Variants in RALA observed in about 807,000 individuals in gnomAD.
RALA encodes the protein ras-related protein Ral-A.
Under a neutral mutation model 24.0 loss-of-function variants are expected in RALA, and 5 were observed. The ratio of observed to expected loss-of-function variants is 0.21; its 90% CI spans 0.11 to 0.44. RALA has a LOEUF of 0.44. Ranked by LOEUF, RALA falls within the 20% of genes least tolerant of loss-of-function variation. The probability of loss-of-function intolerance (pLI) is 0.99; values close to 1 mark genes in which losing one functional copy is unlikely to be tolerated. For synonymous variants in RALA, 77 were observed against 83.8 expected, an observed-to-expected ratio of 0.92 and a Z score of 0.44; for missense variants, 95 against 241.2, an observed-to-expected ratio of 0.39 and a Z score of 4.01.
chr7:39,658,632 A>G (rs1472752556), intron 1 of RALA, among the ~76,000 whole-genome samples: 1 of 152,170 alleles, frequency 6.6e-6, no homozygotes, highest in South Asian at 2.1e-4. Context: ...CCAGTGAATT[A>G]GGATCTTCAT....
At chr7:39,662,875 C>G (rs1045884329) in intron 1 of RALA, among the ~76,000 whole-genome samples, 4 of 152,186 alleles carry the variant, frequency 2.6e-5, no homozygotes, top group Admixed American at 1.3e-4. Flanking sequence ...TGTTTTCATG[C>G]TGCTGATAAA....
chr7:39,699,532 CTG>C, intron 4 of RALA, among the ~76,000 whole-genome samples: 1 of 152,300 alleles, frequency 6.6e-6, no homozygotes, highest in African/African-American at 2.4e-5. Flanking sequence ...AAGCAAAAGA[CTG>C]GAAATATCCA....
At chr7:39,685,703 C>A (rs1034667265) in intron 1 of RALA, among the ~76,000 whole-genome samples, 1 of 151,560 alleles carries the variant, frequency 6.6e-6, no homozygotes, top group African/African-American at 2.4e-5. Flanking sequence ...ATTGGCCAGC[C>A]ATCCCAAGAA....
chr7:39,704,363 C>T (rs958495437), intron 4 of RALA, among the ~76,000 whole-genome samples: 1 of 151,768 alleles, frequency 6.6e-6, no homozygotes, highest in Non-Finnish European at 1.5e-5. Flanking sequence ...ACTCTGTTGC[C>T]CAGGCTGGAG....
intron 3 of RALA, among the ~76,000 whole-genome samples, chr7:39,690,896 C>T (rs988338344): frequency 6.6e-6 from 1 of 152,124 alleles, no homozygotes; most frequent in Non-Finnish European, 1.5e-5. Flanking sequence ...ACTACTACTG[C>T]CATAACAGTT....
chr7:39,678,194 TAA>T (rs59832559), intron 1 of RALA, among the ~76,000 whole-genome samples: 15 of 137,732 alleles, frequency 1.1e-4, no homozygotes, highest in African/African-American at 3.7e-4. Flanking sequence ...AAAGTATAAT[TAA>T]AAAAAAAAAA....
intron 1 of RALA, among the ~76,000 whole-genome samples, chr7:39,633,452 A>G (rs1791631017): frequency 6.6e-6 from 1 of 152,200 alleles, no homozygotes; most frequent in African/African-American, 2.4e-5. Flanking sequence ...TGCATGCAAG[A>G]GCAGGAAAAA....
intron 1 of RALA, among the ~76,000 whole-genome samples, chr7:39,675,179 A>T (rs1302433431): frequency 6.6e-6 from 1 of 152,190 alleles, no homozygotes; most frequent in Non-Finnish European, 1.5e-5. Context: ...GCTCTGTGGG[A>T]ATGCTTGCAT....
Position 39,667,952 on chromosome 7 carries a change from C to T in RALA, c.-37-18679C>T, listed in dbSNP as rs183042477. ...TGTGAGAAGCAGATCTACCCAACAA[C>T]GGAGGAAACTTACTATAGTGGACTG... is the stretch of plus-strand genomic sequence containing the variant. On this transcript the variant is annotated intron_variant, in intron 1 of 4. Transcript: ENST00000005257. Among the ~76,000 whole-genome samples the T allele has an allele frequency of 2.0e-4, 31 of 152,198 alleles. No individual in the cohort carries two copies. The East Asian group carries it at 3.9e-3, about 19-fold the overall frequency.
intron 1 of RALA, among the ~76,000 whole-genome samples, chr7:39,677,437 C>G (rs1792506596): frequency 3.2e-5 from 4 of 126,978 alleles, no homozygotes. Flanking sequence ...GCCACATTTT[C>G]TTAATCCAGT....
intron 1 of RALA, among the ~76,000 whole-genome samples, chr7:39,648,949 C>T (rs1379037630): frequency 6.6e-6 from 1 of 152,164 alleles, no homozygotes; most frequent in Admixed American, 6.5e-5. Flanking sequence ...ATCCCAGCTA[C>T]TCAGGAGGCT....
At chr7:39,649,929 A>G (rs922151196) in intron 1 of RALA, among the ~76,000 whole-genome samples, 1 of 152,238 alleles carries the variant, frequency 6.6e-6, no homozygotes, top group Non-Finnish European at 1.5e-5. Context: ...ACGAAGATTG[A>G]AAATTGACTG....
In RALA at chr7:39,707,494, CACTG is replaced by C. The variant is rs1318463037; in HGVS notation, c.*1252_*1255del. On this transcript the variant is annotated 3_prime_UTR_variant, in exon 5 of 5. Coordinates refer to ENST00000005257, the MANE Select transcript of RALA (RefSeq NM_005402.4). Reference sequence around the variant, plus strand: ...GGTATAGTGCAGAAAACGTGGCACACACTGACCACACATTAGGCTGTGTCACCAT... The same window carrying C: ...GGTATAGTGCAGAAAACGTGGCACACACCACACATTAGGCTGTGTCACCAT... 4 of 152,304 alleles carry C rather than the reference CACTG, an allele frequency of 2.6e-5. No homozygotes were observed. The highest frequency in any genetic ancestry group is 1.3e-4 in the Admixed American group (2 of 15,302). The allele number at this position is 152,304 out of a possible 1,614,324, so 9.4% of individuals were successfully genotyped here. A position where few individuals can be genotyped will look rare whatever the true frequency, so the allele number is the denominator to read the frequency against.
At chr7:39,679,713 C>G (rs1302460653) in intron 1 of RALA, among the ~76,000 whole-genome samples, 2 of 151,910 alleles carry the variant, frequency 1.3e-5, no homozygotes, top group Non-Finnish European at 2.9e-5. Flanking sequence ...AAGATTTTGC[C>G]ATGCAGAATT....
intron 1 of RALA, among the ~76,000 whole-genome samples, chr7:39,632,374 A>G (rs1453913576): frequency 6.6e-6 from 1 of 152,212 alleles, no homozygotes; most frequent in Non-Finnish European, 1.5e-5. Flanking sequence ...TAGCAGTGTA[A>G]CAATGTCTTT....
At chr7:39,637,771 A>T (rs1301560301) in intron 1 of RALA, among the ~76,000 whole-genome samples, 1 of 152,218 alleles carries the variant, frequency 6.6e-6, no homozygotes, top group Non-Finnish European at 1.5e-5. Flanking sequence ...AACATAGTGT[A>T]TTGAATGCCT....
chr7:39,655,581 C>T (rs569038455), intron 1 of RALA, among the ~76,000 whole-genome samples: 11 of 152,024 alleles, frequency 7.2e-5, no homozygotes, highest in Middle Eastern at 3.4e-3. Context: ...TTTTCTTTTC[C>T]CATTTCTTAA....
rs114864901 is a variant in RALA, at chr7:39,644,397, G to A, written c.-38+20572G>A. On this transcript the variant is annotated intron_variant, in intron 1 of 4. Transcript: ENST00000005257. ...TTATCCCAGCTTGACTTCCCTTCGTGTCTTAGCACATCCTGGTCCACTTTC... is the reference window on the plus strand; with the variant it reads ...TTATCCCAGCTTGACTTCCCTTCGTATCTTAGCACATCCTGGTCCACTTTC... Among the ~76,000 whole-genome samples, 371 of 152,108 alleles carry A rather than the reference G, an allele frequency of 2.4e-3. 2 individuals carry two copies. The highest frequency in any genetic ancestry group is 8.7e-3 in the African/African-American group (360 of 41,496).
intron 1 of RALA, among the ~76,000 whole-genome samples, chr7:39,642,595 C>T (rs112018670): frequency 0.018 from 2,785 of 152,252 alleles, 59 homozygotes; most frequent in Admixed American, 0.06. Flanking sequence ...AAAATCCCCT[C>T]AAAACTATCC....
Sources: gnomAD v4.1 joint callset for allele counts (sites outside exome capture counted in the v4.1 genomes callset) on GRCh38, gnomAD v4.1.1 for gene constraint, MANE v1.5 for transcripts, NCBI Gene and HGNC (gene_info 2026-07-23, HGNC 2026-07-21) for gene names.